CDC40: variants seen among roughly 807,000 people sequenced by gnomAD.
CDC40 encodes cell division cycle 40.
In CDC40, 27 loss-of-function variants were observed where a neutral mutation model predicts 80.6. The ratio of observed to expected loss-of-function variants is 0.33; its 90% confidence interval spans 0.25 to 0.46. CDC40 has a LOEUF of 0.46. CDC40 is among the 20% of genes least tolerant of loss of function. CDC40 has a pLI of 1.00. For synonymous variants in CDC40, 221 were observed against 232.6 expected, an observed-to-expected ratio of 0.95 and a Z score of 0.45; for missense variants, 486 against 694.1, an observed-to-expected ratio of 0.70 and a Z score of 3.37.
intron 3 of CDC40, among the ~76,000 whole-genome samples, chr6:110,203,550 T>C (rs184207194): frequency 6.6e-6 from 1 of 152,370 alleles, no homozygotes; most frequent in East Asian, 1.9e-4. Flanking sequence ...CTATCACTGC[T>C]GGAATATAAT....
At chr6:110,187,160 A>G (rs557053401) in intron 1 of CDC40, among the ~76,000 whole-genome samples, 53 of 152,260 alleles carry the variant, frequency 3.5e-4, no homozygotes, top group African/African-American at 1.3e-3. Flanking sequence ...TTGTATTTTT[A>G]GTAGAGACGG....
intron 13 of CDC40, among the ~76,000 whole-genome samples, chr6:110,226,469 A>T (rs776238386): frequency 6.6e-6 from 1 of 152,156 alleles, no homozygotes; most frequent in Non-Finnish European, 1.5e-5. Context: ...AGAAACAATG[A>T]TTTACAGCTA....
intron 2 of CDC40, among the ~76,000 whole-genome samples, chr6:110,199,766 G>A (rs1263434684): frequency 6.6e-6 from 1 of 152,090 alleles, no homozygotes; most frequent in Admixed American, 6.5e-5. Context: ...TGTGATGTGA[G>A]TAACAGTTAA....
At chr6:110,210,426 G>A (rs569736375) in intron 5 of CDC40, among the ~76,000 whole-genome samples, 47 of 151,270 alleles carry the variant, frequency 3.1e-4, no homozygotes, top group Non-Finnish European at 5.5e-4. Flanking sequence ...AGTGTGCACC[G>A]AGTAGTCCCA....
intron 3 of CDC40, among the ~76,000 whole-genome samples, chr6:110,202,886 T>G (rs1777511005): frequency 6.6e-6 from 1 of 151,996 alleles, no homozygotes; most frequent in African/African-American, 2.4e-5. Context: ...GATTTTTGCC[T>G]CTCCCACTAG....
chr6:110,220,505 C>T (rs1056105372), intron 12 of CDC40, among the ~76,000 whole-genome samples: 27 of 138,344 alleles, frequency 2.0e-4, no homozygotes, highest in Middle Eastern at 4.3e-3. Flanking sequence ...GCTGCAGTGG[C>T]GCAATCTCAG....
At chr6:110,218,083 G>A (rs898682656) in intron 10 of CDC40, among the ~76,000 whole-genome samples, 1 of 152,132 alleles carries the variant, frequency 6.6e-6, no homozygotes, top group Non-Finnish European at 1.5e-5. Context: ...TGATTTTTTT[G>A]TTCCCCTACA....
chr6:110,191,926 G>A (rs1050477898), intron 1 of CDC40, among the ~76,000 whole-genome samples: 7 of 152,122 alleles, frequency 4.6e-5, no homozygotes, highest in African/African-American at 1.4e-4. Flanking sequence ...GAACATGAGT[G>A]CACTATTTAA....
intron 6 of CDC40, 156 bp downstream of exon 6, chr6:110,210,959 C>A: frequency 3.0e-6 from 1 of 332,890 alleles, no homozygotes. Context: ...AAGGAAATTA[C>A]AGCAGACTTC....
chr6:110,229,285 A>C (rs1369867865), intron 14 of CDC40, among the ~76,000 whole-genome samples: 1 of 152,194 alleles, frequency 6.6e-6, no homozygotes, highest in Non-Finnish European at 1.5e-5. Flanking sequence ...CAAGACTAGA[A>C]GTGCTATAAT....
At chr6:110,195,632 G>C (rs1184578219) in intron 2 of CDC40, among the ~76,000 whole-genome samples, 1 of 152,192 alleles carries the variant, frequency 6.6e-6, no homozygotes, top group Non-Finnish European at 1.5e-5. Context: ...TTCCGGCACA[G>C]AGTAGGCATT....
At position 110,230,206 on chromosome 6, in the gene CDC40, T is replaced by C; in HGVS notation, c.*75T>C. ...TTTATATTTAATTATTAAATGTATCTGATGATAACTTGATTTACAGATAAT... is the reference window on the plus strand; with the variant it reads ...TTTATATTTAATTATTAAATGTATCCGATGATAACTTGATTTACAGATAAT... On this transcript the variant is annotated 3_prime_UTR_variant, in exon 15 of 15. Coordinates refer to ENST00000307731, the MANE Select transcript of CDC40 (RefSeq NM_015891.3). 1.4e-6 allele frequency: 1 copy of C among 731,828 alleles called. No individual in the cohort carries two copies. Among genetic ancestry groups the C allele is most frequent in the Non-Finnish European group, 2.2e-6 (1 of 449,588 alleles). The allele number at this position is 731,828 out of a possible 1,614,324, so 45.3% of individuals were successfully genotyped here.
rs1777943788 is a variant in CDC40, at chr6:110,231,917, T to A, written c.*1786T>A. 1 of 146,194 alleles carries A rather than the reference T, an allele frequency of 6.8e-6. No homozygotes were observed. The highest frequency in any genetic ancestry group is 1.5e-5 in the Non-Finnish European group (1 of 66,974). 9.1% of individuals were successfully genotyped at this position (146,194 alleles called of 1,614,324 possible). A position where few individuals can be genotyped will look rare whatever the true frequency, so the allele number is the denominator to read the frequency against. On this transcript the variant is annotated 3_prime_UTR_variant, in exon 15 of 15. Transcript: ENST00000307731. The stretch of plus-strand genomic sequence containing the variant: ...CAAAGAAATACAAACATTGCCTAGC[T>A]GCTGCCATTTCTGTAACTGCCCAGA...
intron 10 of CDC40, 91 bp from the exon 11 acceptor site, chr6:110,219,273 A>G (rs979771076): frequency 2.8e-5 from 16 of 579,274 alleles, no homozygotes; most frequent in African/African-American, 2.3e-4. Flanking sequence ...CTCAAAATGT[A>G]TTAAGCAGGT....
At chr6:110,203,730 T>G (rs2114658760) in intron 3 of CDC40, among the ~76,000 whole-genome samples, 1 of 152,314 alleles carries the variant, frequency 6.6e-6, no homozygotes, top group Non-Finnish European at 1.5e-5. Context: ...GTCATCCCGT[T>G]TACTTACTCT....
At chr6:110,210,891 T>G (rs183237641) in intron 6 of CDC40, 88 bp downstream of exon 6, 1 of 505,752 alleles carries the variant, frequency 2.0e-6, no homozygotes, top group African/African-American at 2.0e-5. Context: ...TTACCCTTAC[T>G]ATCAGCTGTA....
chr6:110,198,853 A>G (rs1584067580), intron 2 of CDC40: 1 of 152,340 alleles, frequency 6.6e-6, no homozygotes, highest in East Asian at 1.9e-4. Flanking sequence ...AGTGTTTGGA[A>G]ATCAAATTTG....
chr6:110,213,500 C>T (rs895928996), intron 8 of CDC40, among the ~76,000 whole-genome samples: 2 of 151,610 alleles, frequency 1.3e-5, no homozygotes, highest in African/African-American at 2.4e-5. Flanking sequence ...TGCCATTCTC[C>T]TGCCTCGGCC....
At chr6:110,182,746 T>A (rs1777215929) in intron 1 of CDC40, among the ~76,000 whole-genome samples, 1 of 152,252 alleles carries the variant, frequency 6.6e-6, no homozygotes, top group South Asian at 2.1e-4. Flanking sequence ...AATCTCTCTC[T>A]TCTGCTGCCA....
Sources: allele counts gnomAD v4.1 joint callset (sites outside exome capture counted in the v4.1 genomes callset), GRCh38; gene constraint gnomAD v4.1.1; transcripts MANE v1.5; gene names NCBI Gene and HGNC (gene_info 2026-07-23, HGNC 2026-07-21).